Variants in UNC5C observed in about 807,000 individuals in gnomAD.
The protein encoded by UNC5C is netrin receptor UNC5C.
In UNC5C, 47 loss-of-function variants were observed where a neutral mutation model predicts 99.8. That is an observed-to-expected ratio of 0.47 (90% CI 0.37 to 0.60). The LOEUF is 0.60. Ranked by LOEUF, UNC5C falls within the 20% of genes least tolerant of loss-of-function variation. UNC5C has a pLI of 0.00. For synonymous variants in UNC5C, 487 were observed against 452.2 expected (o/e 1.08, Z -0.98); for missense variants, 1,062 against 1,165.9 (o/e 0.91, Z 1.30).
chr4:95,379,815 C>A (rs2149441419), intron 1 of UNC5C, among the ~76,000 whole-genome samples: 1 of 152,220 alleles, frequency 6.6e-6, no homozygotes, highest in African/African-American at 2.4e-5. Flanking sequence ...TCCGAGAGGG[C>A]AGAGGCGCTA....
intron 14 of UNC5C, among the ~76,000 whole-genome samples, chr4:95,178,624 A>C (rs957458588): frequency 4.6e-5 from 7 of 152,232 alleles, no homozygotes; most frequent in African/African-American, 1.7e-4. Context: ...CCTCTGATAG[A>C]AGCCCACCCA....
In UNC5C at chr4:95,256,132, C is replaced by T. The variant is rs72674506; in HGVS notation, c.595-5465G>A. Among the ~76,000 whole-genome samples, 860 of 152,154 alleles carry T rather than the reference C, an allele frequency of 5.7e-3. 1 individual carries two copies. Among genetic ancestry groups the T allele is most frequent in the Non-Finnish European group, 6.3e-3 (425 of 68,000 alleles). The stretch of plus-strand genomic sequence containing the variant: ...GCTTCCTTAGGCTAACATTTGTGTC[C>T]CTGTGGCTCGGTCCTTGGAATTCTG... On this transcript the variant is annotated intron_variant, in intron 4 of 15. Transcript: ENST00000453304.
At chr4:95,286,979 C>T (rs1343863018) in intron 3 of UNC5C, among the ~76,000 whole-genome samples, 1 of 152,110 alleles carries the variant, frequency 6.6e-6, no homozygotes, top group Non-Finnish European at 1.5e-5. Context: ...CCATATTGCA[C>T]CTGTGGACTG....
intron 1 of UNC5C, among the ~76,000 whole-genome samples, chr4:95,448,232 G>GAGAGAGAGAGAGAGAGAGAGAC (rs1747173628): frequency 2.3e-5 from 3 of 130,432 alleles, no homozygotes; most frequent in African/African-American, 9.1e-5. Context: ...GTGTGTGAGA[G>GAGAGAGAGAGAGAGAGAGAGAC]AGAGAGAGAG....
chr4:95,541,059 C>A (rs1176444270), intron 1 of UNC5C, among the ~76,000 whole-genome samples: 1 of 151,996 alleles, frequency 6.6e-6, no homozygotes, highest in African/African-American at 2.4e-5. Context: ...ATACAAGTAA[C>A]AAATATGCAA....
rs1000890550 is a variant in UNC5C at position 95,392,732 on chromosome 4, A to G, written c.125-57101T>C. 1.1e-4 allele frequency among the ~76,000 whole-genome samples: 16 copies of G among 152,164 alleles called. No homozygotes were observed. In the South Asian group the frequency reaches 2.5e-3, roughly 24 times the overall value. ...GTGGGATTACAGGTATGAGCCACGG[A>G]GCCTGGCTGAAACGCTTTTTCGATA... On this transcript the variant is annotated intron_variant, in intron 1 of 15. Transcript: ENST00000453304.
intron 4 of UNC5C, 59 bp from the exon 5 acceptor site, chr4:95,250,726 G>A: frequency 1.3e-6 from 2 of 1,523,750 alleles, no homozygotes; most frequent in Non-Finnish European, 1.8e-6. Flanking sequence ...ATGGCTGTCT[G>A]TCCTAACCTG....
chr4:95,424,598 T>C (rs528349114), intron 1 of UNC5C, among the ~76,000 whole-genome samples: 28 of 142,314 alleles, frequency 2.0e-4, no homozygotes, highest in East Asian at 1.8e-3. Context: ...CTCGGCTCAC[T>C]GCAAGCTCCA....
intron 1 of UNC5C, among the ~76,000 whole-genome samples, chr4:95,441,920 A>T (rs1387167672): frequency 6.6e-6 from 1 of 152,188 alleles, no homozygotes; most frequent in Non-Finnish European, 1.5e-5. Context: ...TAAACTAGTA[A>T]GATTAACACG....
chr4:95,531,989 G>T (rs1249724705), intron 1 of UNC5C, among the ~76,000 whole-genome samples: 1 of 152,210 alleles, frequency 6.6e-6, no homozygotes, highest in East Asian at 1.9e-4. Context: ...TGGCAGTACT[G>T]CAGTGCTGTT....
rs1721328380 is a variant in UNC5C at position 95,486,385 on chromosome 4, A to T, written c.124+62349T>A. ...ATCCACAATCCCTTCACTTTCTAAA[A>T]TTCTTTGACTCCAAATCATTGCTGT... On this transcript the variant is annotated intron_variant, in intron 1 of 15. Coordinates refer to ENST00000453304, the MANE Select transcript of UNC5C (RefSeq NM_003728.4). Among the ~76,000 whole-genome samples, 3 of 117,518 alleles carry T rather than the reference A, an allele frequency of 2.6e-5. No homozygotes were observed. In the South Asian group the frequency reaches 8.5e-4, roughly 33 times the overall value. The allele number at this position is 117,518 out of a possible 152,430, so 77.1% of individuals were successfully genotyped here. A position where few individuals can be genotyped will look rare whatever the true frequency, so the allele number is the denominator to read the frequency against.
At chr4:95,381,441 G>T (rs755663849) in intron 1 of UNC5C, among the ~76,000 whole-genome samples, 13 of 152,118 alleles carry the variant, frequency 8.5e-5, no homozygotes, top group Non-Finnish European at 1.6e-4. Context: ...TCCTATTTGT[G>T]TGTCTTTTAA....
chr4:95,436,186 A>G (rs1449456231), intron 1 of UNC5C, among the ~76,000 whole-genome samples: 3 of 123,220 alleles, frequency 2.4e-5, no homozygotes, highest in Non-Finnish European at 3.8e-5. Context: ...TTATCTGATG[A>G]AAAAAAAAAT....
chr4:95,531,683 G>A (rs1474291969), intron 1 of UNC5C, among the ~76,000 whole-genome samples: 1 of 152,162 alleles, frequency 6.6e-6, no homozygotes, highest in Non-Finnish European at 1.5e-5. Flanking sequence ...GTCAATTACA[G>A]GGAAACACTG....
chr4:95,398,044 C>CATTTTTTTT (rs1745571718), intron 1 of UNC5C, among the ~76,000 whole-genome samples: 1 of 95,922 alleles, frequency 1.0e-5, no homozygotes, highest in African/African-American at 4.9e-5. Flanking sequence ...CCAAATGTAG[C>CATTTTTTTT]TTTTTTTTTT....
intron 1 of UNC5C, among the ~76,000 whole-genome samples, chr4:95,519,014 T>G (rs539335197): frequency 6.6e-6 from 1 of 152,304 alleles, no homozygotes; most frequent in African/African-American, 2.4e-5. Context: ...CTCTATTTTC[T>G]ATGGATTATT....
intron 1 of UNC5C, among the ~76,000 whole-genome samples, chr4:95,516,084 T>C (rs191519976): frequency 8.5e-5 from 13 of 152,312 alleles, no homozygotes; most frequent in East Asian, 7.7e-4. Flanking sequence ...GGATCATCTG[T>C]GTAGGAAACA....
At chr4:95,173,944 T>C (rs1736229426) in intron 14 of UNC5C, among the ~76,000 whole-genome samples, 1 of 152,032 alleles carries the variant, frequency 6.6e-6, no homozygotes, top group Admixed American at 6.5e-5. Context: ...ATTCAGAGAT[T>C]CAACTTCTTC....
intron 1 of UNC5C, among the ~76,000 whole-genome samples, chr4:95,454,911 T>C (rs1385688700): frequency 6.6e-6 from 1 of 152,078 alleles, no homozygotes; most frequent in Non-Finnish European, 1.5e-5. Flanking sequence ...AAAATTAAGT[T>C]AGATTATAAA....
Sources: allele counts gnomAD v4.1 joint callset (sites outside exome capture counted in the v4.1 genomes callset), GRCh38; gene constraint gnomAD v4.1.1; transcripts MANE v1.5; gene names NCBI Gene and HGNC (gene_info 2026-07-23, HGNC 2026-07-21).